Variants in TRHDE observed in about 807,000 individuals in gnomAD.
TRHDE encodes the protein thyrotropin releasing hormone degrading enzyme.
In TRHDE, 72 loss-of-function variants were observed where a neutral mutation model predicts 125.7. The observed-to-expected ratio is 0.57, with a 90% CI of 0.47 to 0.70. The LOEUF (loss-of-function observed/expected upper bound fraction) is 0.70, where lower values mean the gene tolerates loss of function less well. Ranked by LOEUF, TRHDE falls within the 30% of genes least tolerant of loss-of-function variation. TRHDE has a pLI of 0.00. For missense variants in TRHDE, 1,110 were observed against 1,327.1 expected (o/e 0.84, Z 2.54); for synonymous variants, 509 against 509.1 (o/e 1.00, Z 0.00).
At chr12:72,558,595 T>A (rs1256449006) in intron 7 of TRHDE, among the ~76,000 whole-genome samples, 1 of 152,132 alleles carries the variant, frequency 6.6e-6, no homozygotes, top group African/African-American at 2.4e-5. Flanking sequence ...ATATTCTGGC[T>A]TTGTGGGAGA....
intron 4 of TRHDE, 71 bp downstream of exon 4, chr12:72,469,983 A>T: frequency 1.4e-6 from 2 of 1,474,548 alleles, no homozygotes; most frequent in Non-Finnish European, 9.3e-7. Flanking sequence ...ACCTACATTA[A>T]GAGCTAAATT....
At chr12:72,186,882 C>G (rs530130041) in intron 2 of TRHDE, among the ~76,000 whole-genome samples, 15 of 151,602 alleles carry the variant, frequency 9.9e-5, no homozygotes, top group Middle Eastern at 3.4e-3. Flanking sequence ...ATTTTTAAGT[C>G]TCCTGGCTGA....
rs191437051 is a variant in TRHDE, at chr12:72,542,224, A to C, written c.1723-67A>C. Reference sequence around the variant, plus strand: ...GCATGAATGAAGTAGACTAGATTTGAGTAAAACAACTTTACAATCATGATA... The same window carrying C: ...GCATGAATGAAGTAGACTAGATTTGCGTAAAACAACTTTACAATCATGATA... On this transcript the variant is annotated intron_variant, in intron 6 of 18. Transcript: ENST00000261180. The C allele has an allele frequency of 4.3e-5, 54 of 1,256,820 alleles. No individual in the cohort carries two copies. The African/African-American group carries it at 7.5e-4, about 17-fold the overall frequency. 77.9% of individuals were successfully genotyped at this position (1,256,820 alleles called of 1,614,324 possible). A position where few individuals can be genotyped will look rare whatever the true frequency, so the allele number is the denominator to read the frequency against.
chr12:72,306,388 C>G lies in TRHDE; in HGVS notation c.1188+19434C>G, dbSNP rs528590483. 2.6e-5 allele frequency among the ~76,000 whole-genome samples: 4 copies of G among 152,212 alleles called. 1 individual carries two copies. In the South Asian group the frequency reaches 8.3e-4, roughly 32 times the overall value. On this transcript the variant is annotated intron_variant, in intron 2 of 18. Coordinates refer to ENST00000261180, the MANE Select transcript of TRHDE (RefSeq NM_013381.3). The stretch of plus-strand genomic sequence containing the variant: ...TTTTTGAAAATCTGCATAATACTAA[C>G]ATTATTAAATGAGAGTGGGGAGGAC...
intron 3 of TRHDE, among the ~76,000 whole-genome samples, chr12:72,384,540 T>G (rs1277494364): frequency 6.6e-6 from 1 of 152,138 alleles, no homozygotes; most frequent in African/African-American, 2.4e-5. Flanking sequence ...AGAAGTCTTA[T>G]TTTTACTTCA....
intron 12 of TRHDE, among the ~76,000 whole-genome samples, chr12:72,576,602 G>A (rs1871006659): frequency 6.6e-6 from 1 of 152,044 alleles, no homozygotes; most frequent in Non-Finnish European, 1.5e-5. Context: ...AAGCAATATA[G>A]AGGGGACAAC....
At chr12:72,473,275 A>G (rs1322843716) in intron 5 of TRHDE, 95 bp downstream of exon 5, 10 of 844,526 alleles carry the variant, frequency 1.2e-5, no homozygotes, top group African/African-American at 1.7e-5. Context: ...AAAAATACCA[A>G]CTGATGCATG....
intron 2 of TRHDE, among the ~76,000 whole-genome samples, chr12:72,189,243 G>T (rs1050692494): frequency 6.6e-6 from 1 of 152,130 alleles, no homozygotes; most frequent in African/African-American, 2.4e-5. Flanking sequence ...CAACTCAGGG[G>T]TATACATCAC....
chr12:72,640,353 C>T lies in TRHDE; in HGVS notation c.2676-11969C>T, dbSNP rs1873999711. On this transcript the variant is annotated intron_variant, in intron 15 of 18. Transcript: ENST00000261180. Reference sequence around the variant, plus strand: ...TTCCCGAGTGAGGCAATGCCTCGCCCTGCTTTGGCTCGCGCACGGTGCGTG... The same window carrying T: ...TTCCCGAGTGAGGCAATGCCTCGCCTTGCTTTGGCTCGCGCACGGTGCGTG... Among the ~76,000 whole-genome samples, 4 of 152,364 alleles carry T rather than the reference C, an allele frequency of 2.6e-5. No individual in the cohort carries two copies. In the South Asian group the frequency reaches 8.3e-4, roughly 32 times the overall value.
intron 1 of TRHDE, among the ~76,000 whole-genome samples, chr12:72,102,055 G>A (rs1680773427): frequency 6.6e-6 from 1 of 152,134 alleles, no homozygotes; most frequent in African/African-American, 2.4e-5. Flanking sequence ...GCCTCTCGAT[G>A]GAACACAGGG....
chr12:72,104,550 G>A (rs1875139476), intron 1 of TRHDE, among the ~76,000 whole-genome samples: 1 of 152,176 alleles, frequency 6.6e-6, no homozygotes, highest in African/African-American at 2.4e-5. Flanking sequence ...AACAATTTAT[G>A]TTCAAGTGCT....
At chr12:72,499,422 C>T (rs750816174) in intron 5 of TRHDE, 76 bp from the exon 6 acceptor site, 9 of 1,516,024 alleles carry the variant, frequency 5.9e-6, no homozygotes, top group South Asian at 1.3e-5. Flanking sequence ...AAGTGACACA[C>T]ATTATGTTCA....
rs150725845 is a variant in TRHDE at position 72,361,025 on chromosome 12, T to C, written c.1189-16970T>C. Among the ~76,000 whole-genome samples, 315 of 151,874 alleles carry C rather than the reference T, an allele frequency of 2.1e-3. 5 individuals are homozygous for C. Among genetic ancestry groups the C allele is most frequent in the East Asian group, 0.018 (92 of 5,134 alleles). On this transcript the variant is annotated intron_variant, in intron 2 of 18. Transcript: ENST00000261180. ...GCCCCAGTGTGTATTGTTCCCTCCC[T>C]GTGTCCATATGTTCTCATTGTTCGG...
intron 5 of TRHDE, among the ~76,000 whole-genome samples, chr12:72,492,154 T>G (rs1368177479): frequency 1.3e-5 from 2 of 151,980 alleles, no homozygotes; most frequent in Non-Finnish European, 2.9e-5. Flanking sequence ...AAGTATATTT[T>G]ACACATGAGA....
At chr12:72,322,112 G>C (rs1196256696) in intron 2 of TRHDE, among the ~76,000 whole-genome samples, 2 of 152,118 alleles carry the variant, frequency 1.3e-5, no homozygotes, top group Non-Finnish European at 2.9e-5. Flanking sequence ...CCAAATCAAT[G>C]TTTGTGGTGC....
Position 72,185,320 on chromosome 12 carries a change from A to G in TRHDE, n.279+79568A>G, listed in dbSNP as rs370380776. ...GGGACCTGCAGCCCGCCATGCCTGA[A>G]CCTCCCACCCACTCCATGGGCTCCT... On this transcript the variant is annotated intron_variant and non_coding_transcript_variant, in intron 2 of 4. Transcript: ENST00000548156. Among the ~76,000 whole-genome samples, 23 of 151,670 alleles carry G rather than the reference A, an allele frequency of 1.5e-4. No homozygotes were observed. In the East Asian group the frequency reaches 3.9e-3, roughly 26 times the overall value.
chr12:72,290,720 A>C (rs1880055494), intron 2 of TRHDE, among the ~76,000 whole-genome samples: 1 of 152,210 alleles, frequency 6.6e-6, no homozygotes. Context: ...CCATATATCC[A>C]CGTGTGGCTT....
chr12:72,604,198 C>T (rs1872332941), intron 12 of TRHDE, among the ~76,000 whole-genome samples: 1 of 152,076 alleles, frequency 6.6e-6, no homozygotes, highest in African/African-American at 2.4e-5. Context: ...TTAGCAGAGA[C>T]TCAGAAGAGA....
chr12:72,369,425 C>T (rs1871474979), intron 2 of TRHDE, among the ~76,000 whole-genome samples: 1 of 152,062 alleles, frequency 6.6e-6, no homozygotes, highest in South Asian at 2.1e-4. Context: ...AGAAAGGTCG[C>T]TGAGCAGTTG....
Sources: allele counts gnomAD v4.1 joint callset (sites outside exome capture counted in the v4.1 genomes callset), GRCh38; gene constraint gnomAD v4.1.1; transcripts MANE v1.5; gene names NCBI Gene and HGNC (gene_info 2026-07-23, HGNC 2026-07-21).